BEND7: variants seen among roughly 807,000 people sequenced by gnomAD.
BEND7 encodes BEN domain-containing protein 7.
BEND7 carries 28 observed loss-of-function variants against 50.9 expected under a neutral mutation model. The ratio of observed to expected loss-of-function variants is 0.55; its 90% CI spans 0.41 to 0.75. The LOEUF (loss-of-function observed/expected upper bound fraction) is 0.75. Ranked by LOEUF, BEND7 falls within the 30% of genes least tolerant of loss-of-function variation. The pLI, the probability that BEND7 is intolerant of heterozygous loss-of-function variation, is 0.00. For synonymous variants in BEND7, 170 were observed against 183.9 expected, an observed-to-expected ratio of 0.92 and a Z score of 0.61; for missense variants, 477 against 491.3, an observed-to-expected ratio of 0.97 and a Z score of 0.28.
Position 13,477,595 on chromosome 10 carries a change from A to G in BEND7, c.1063+3304T>C, listed in dbSNP as rs2075548130. Among the ~76,000 whole-genome samples the G allele has an allele frequency of 3.9e-5, 6 of 152,268 alleles. No individual in the cohort carries two copies. In the South Asian group the frequency reaches 1.2e-3, roughly 31 times the overall value. Reference sequence around the variant, plus strand: ...TGGGTTAACCCACTTTTAACGAAGGAAAATACAGTAAAGAAAAATGTATTA... The same window carrying G: ...TGGGTTAACCCACTTTTAACGAAGGGAAATACAGTAAAGAAAAATGTATTA... On this transcript the variant is annotated intron_variant, in intron 6 of 8. Transcript: ENST00000466271.
chr10:13,488,150 A>G (rs2076379943), intron 5 of BEND7, among the ~76,000 whole-genome samples: 1 of 151,792 alleles, frequency 6.6e-6, no homozygotes, highest in Non-Finnish European at 1.5e-5. Context: ...ATGAATATCC[A>G]CAATTTATCT....
chr10:13,459,136 C>T (rs1161698102), intron 6 of BEND7, among the ~76,000 whole-genome samples: 1 of 152,108 alleles, frequency 6.6e-6, no homozygotes, highest in Non-Finnish European at 1.5e-5. Flanking sequence ...CAAACAAAGC[C>T]ATAGCTAAGT....
Position 13,521,267 on chromosome 10 carries a change from C to T in BEND7, c.145+4871G>A, listed in dbSNP as rs551471443. Among the ~76,000 whole-genome samples, 329 of 152,286 alleles carry T rather than the reference C, an allele frequency of 2.2e-3. 1 individual carries two copies. The highest frequency in any genetic ancestry group is 6.2e-3 in the Admixed American group (95 of 15,298). On this transcript the variant is annotated intron_variant, in intron 2 of 8. Transcript: ENST00000466271. Reference sequence around the variant, plus strand: ...GTTAAGGGCTTGCTTTGGAGACAGGCAGACCCTGGCTTGCATCCTGGCTCT... The same window carrying T: ...GTTAAGGGCTTGCTTTGGAGACAGGTAGACCCTGGCTTGCATCCTGGCTCT...
chr10:13,503,314 A>G (rs2077617919), intron 2 of BEND7, among the ~76,000 whole-genome samples: 1 of 152,206 alleles, frequency 6.6e-6, no homozygotes, highest in African/African-American at 2.4e-5. Flanking sequence ...CTGAGGAGGA[A>G]GAAACAGTGC....
At chr10:13,477,192 CA>C (rs1452940212) in intron 6 of BEND7, among the ~76,000 whole-genome samples, 4 of 151,984 alleles carry the variant, frequency 2.6e-5, no homozygotes. Context: ...TTGTTTGAAA[CA>C]AAATTGAACT....
At chr10:13,505,427 C>T (rs2077803032) in intron 2 of BEND7, among the ~76,000 whole-genome samples, 1 of 152,200 alleles carries the variant, frequency 6.6e-6, no homozygotes. Flanking sequence ...GTGGATAACG[C>T]TCTGGACCCA....
At chr10:13,520,553 C>A (rs913819260) in intron 2 of BEND7, among the ~76,000 whole-genome samples, 6 of 152,206 alleles carry the variant, frequency 3.9e-5, no homozygotes, top group South Asian at 2.1e-4. Context: ...TGAGAAGTTA[C>A]GTACTGAGAT....
chr10:13,500,954 C>A (rs1564377740), intron 2 of BEND7: 4 of 440,548 alleles, frequency 9.1e-6, no homozygotes, highest in African/African-American at 4.3e-5. Flanking sequence ...TCCCACTTCA[C>A]CTACACTGAC....
intron 3 of BEND7, among the ~76,000 whole-genome samples, chr10:13,498,396 AAAATAT>A (rs1322921948): frequency 6.6e-6 from 1 of 152,182 alleles, no homozygotes; most frequent in African/African-American, 2.4e-5. Flanking sequence ...TTGAAAACAT[AAAATAT>A]CTATTTTCAA....
At chr10:13,505,928 C>A (rs528092889) in intron 2 of BEND7, among the ~76,000 whole-genome samples, 170 of 152,176 alleles carry the variant, frequency 1.1e-3, no homozygotes, top group Non-Finnish European at 2.1e-3. Context: ...AAGTCCAGAA[C>A]GCAACACTAA....
chr10:13,476,585 T>G (rs2075460015), intron 6 of BEND7, among the ~76,000 whole-genome samples: 1 of 152,214 alleles, frequency 6.6e-6, no homozygotes, highest in South Asian at 2.1e-4. Context: ...CAACTGTATT[T>G]TCTGAAGAGC....
At chr10:13,478,025 G>A (rs1412698204) in intron 6 of BEND7, among the ~76,000 whole-genome samples, 1 of 152,152 alleles carries the variant, frequency 6.6e-6, no homozygotes, top group African/African-American at 2.4e-5. Context: ...GGGCACCGCA[G>A]GAAAGAAAAG....
chr10:13,460,089 T>TCCC (rs1347565512), intron 6 of BEND7: 1 of 152,392 alleles, frequency 6.6e-6, no homozygotes, highest in Non-Finnish European at 1.5e-5. Context: ...AACAAGGGGT[T>TCCC]TAGCAAGAGC....
At chr10:13,508,044 A>C in intron 2 of BEND7, among the ~76,000 whole-genome samples, 1 of 152,234 alleles carries the variant, frequency 6.6e-6, no homozygotes, top group South Asian at 2.1e-4. Context: ...AGGTGGGAGC[A>C]CGGAGCCAGG....
At position 13,450,910 on chromosome 10, in the gene BEND7, G is replaced by A. The variant is rs1309015056; in HGVS notation, c.1183+1629C>T. On this transcript the variant is annotated intron_variant, in intron 7 of 8. Transcript: ENST00000466271. Reference sequence around the variant, plus strand: ...GGTTAGGGGATGTGTTCCCTGGCCAGTCTGCTTGGGGGAAAGAGAAGAGGG... The same window carrying A: ...GGTTAGGGGATGTGTTCCCTGGCCAATCTGCTTGGGGGAAAGAGAAGAGGG... 2.0e-5 allele frequency among the ~76,000 whole-genome samples: 3 copies of A among 152,036 alleles called. No individual in the cohort carries two copies. In the East Asian group the frequency reaches 5.8e-4, roughly 29 times the overall value.
intron 6 of BEND7, among the ~76,000 whole-genome samples, chr10:13,477,432 C>T (rs1167983802): frequency 6.6e-6 from 1 of 152,150 alleles, no homozygotes; most frequent in East Asian, 1.9e-4. Context: ...CATTTTATCA[C>T]TTTCTCATAG....
chr10:13,509,944 C>T (rs7101026), intron 2 of BEND7, among the ~76,000 whole-genome samples: 151,417 of 152,342 alleles, frequency 0.99, 75,256 homozygotes, highest in Middle Eastern at 1. Context: ...CCTCCAAATG[C>T]TCTTACATTG....
chr10:13,486,227 G>A (rs187857199), intron 5 of BEND7, among the ~76,000 whole-genome samples: 1 of 152,144 alleles, frequency 6.6e-6, no homozygotes, highest in African/African-American at 2.4e-5. Flanking sequence ...GGGGGGTCTC[G>A]CTTTGTTGCC....
chr10:13,441,966 T>G, intron 8 of BEND7: 1 of 547,668 alleles, frequency 1.8e-6, no homozygotes, highest in Non-Finnish European at 3.2e-6. Context: ...TTTGTTACAG[T>G]ACAGGGATGC....
Sources: gnomAD v4.1 joint callset for allele counts (sites outside exome capture counted in the v4.1 genomes callset) on GRCh38, gnomAD v4.1.1 for gene constraint, MANE v1.5 for transcripts, NCBI Gene and HGNC (gene_info 2026-07-23, HGNC 2026-07-21) for gene names.